The following SNX13 variants were observed in gnomAD, a reference collection of about 807,000 sequenced individuals.
The protein encoded by SNX13 is sorting nexin 13.
A neutral mutation model predicts 133.6 loss-of-function variants in SNX13; 45 were observed. The ratio of observed to expected loss-of-function variants is 0.34; its 90% CI spans 0.27 to 0.43. The LOEUF (loss-of-function observed/expected upper bound fraction) is 0.43, where lower values mean the gene tolerates loss of function less well. SNX13 is among the 20% of genes least tolerant of loss of function. The pLI is 1.00. For synonymous variants in SNX13, 414 were observed against 373.9 expected (o/e 1.11, Z -1.24); for missense variants, 1,032 against 1,145.1 (o/e 0.90, Z 1.43).
chr7:17,906,796 G>A (rs1264892123), intron 1 of SNX13, among the ~76,000 whole-genome samples: 2 of 152,072 alleles, frequency 1.3e-5, no homozygotes, highest in African/African-American at 4.8e-5. Flanking sequence ...ACCAACAGAA[G>A]AGCCAAAGGT....
At chr7:17,915,625 G>GTC (rs1226445534) in intron 1 of SNX13, among the ~76,000 whole-genome samples, 2 of 151,210 alleles carry the variant, frequency 1.3e-5, no homozygotes, top group African/African-American at 4.9e-5. Flanking sequence ...CTGTCTGTCT[G>GTC]TCTGTCTCTC....
chr7:17,866,462 CT>C lies in SNX13; in HGVS notation c.837+1944del, dbSNP rs1240635569. Among the ~76,000 whole-genome samples, 6 of 151,964 alleles carry C rather than the reference CT, an allele frequency of 3.9e-5. No individual in the cohort carries two copies. In the East Asian group the frequency reaches 1.2e-3, roughly 29 times the overall value. The stretch of plus-strand genomic sequence containing the variant: ...TACTATTTCACTCCAGTTAAAATGG[CT>C]TTTAACCAAAAGAAAGGCAATAACA... On this transcript the variant is annotated intron_variant, in intron 9 of 25. Coordinates refer to ENST00000428135, the MANE Select transcript of SNX13 (RefSeq NM_015132.5).
chr7:17,868,441 T>A lies in SNX13; in HGVS notation c.803A>T (p.Asp268Val). 2 of 1,610,430 alleles carry A rather than the reference T, an allele frequency of 1.2e-6. No individual in the cohort carries two copies. Among genetic ancestry groups the A allele is most frequent in the Non-Finnish European group, 1.7e-6 (2 of 1,178,250 alleles). ...ILLPLINQLS[D>V]PDYINQYVIW... ...GACATACTGATTAATATAATCAGGA[T>A]CACTGAGTTGATTTATTAATGGAAG... Residue 268 changes from aspartate to valine, a missense_variant, in exon 9 of 26, where the codon GAT becomes GTT. Physicochemically the swap from Asp to Val is radical, Grantham distance 152 (BLOSUM62 -3). Coordinates refer to ENST00000428135, the MANE Select transcript of SNX13 (RefSeq NM_015132.5).
chr7:17,937,019 AT>A (rs1802139223), intron 1 of SNX13, among the ~76,000 whole-genome samples: 1 of 148,388 alleles, frequency 6.7e-6, no homozygotes, highest in African/African-American at 2.4e-5. Flanking sequence ...ATAAAATAAA[AT>A]AAAAAAAAAA....
intron 12 of SNX13, among the ~76,000 whole-genome samples, chr7:17,841,995 C>G (rs1424435702): frequency 1.3e-5 from 2 of 151,882 alleles, no homozygotes; most frequent in African/African-American, 4.8e-5. Context: ...TAAACAGAGC[C>G]TAAGGGACCT....
chr7:17,897,372 T>C lies in SNX13; in HGVS notation c.87A>G (p.Ile29Met), dbSNP rs1040648112. Reference protein sequence around the residue: ...LFLITFGPFVIFYLTFYILCF... With the variant: ...LFLITFGPFVMFYLTFYILCF... ...AGAGGATATAAAATGTCAAATAAAA[T>C]ATTACAAAGGGTCCAAAGGTTATCA... Residue 29 changes from isoleucine (I) to methionine (M), a missense_variant, in exon 2 of 26, where the codon ATA (isoleucine) becomes ATG (methionine). By Grantham distance (10) the Ile-to-Met change is conservative (BLOSUM62 1). Transcript: ENST00000428135. 6.3e-7 allele frequency: 1 copy of C among 1,591,070 alleles called. No homozygotes were observed. Among genetic ancestry groups the C allele is most frequent in the Non-Finnish European group, 8.6e-7 (1 of 1,168,140 alleles).
At chr7:17,926,175 C>A (rs982350110) in intron 1 of SNX13, among the ~76,000 whole-genome samples, 1 of 152,176 alleles carries the variant, frequency 6.6e-6, no homozygotes, top group African/African-American at 2.4e-5. Context: ...AGAGAGAAAG[C>A]AAATATGACA....
At chr7:17,896,742 G>A (rs1524775) in intron 2 of SNX13, among the ~76,000 whole-genome samples, 96,050 of 151,862 alleles carry the variant, frequency 0.63, 32,534 homozygotes, top group African/African-American at 0.89. Flanking sequence ...CTTGTAATTC[G>A]TGTCTGATAC....
intron 4 of SNX13, among the ~76,000 whole-genome samples, chr7:17,890,708 T>TA (rs775202714): frequency 1.9e-4 from 28 of 146,798 alleles, no homozygotes; most frequent in Middle Eastern, 3.4e-3. Context: ...TGCCTAGATT[T>TA]AAAAAAAAAA....
At chr7:17,904,291 A>T (rs902890281) in intron 1 of SNX13, among the ~76,000 whole-genome samples, 1 of 152,170 alleles carries the variant, frequency 6.6e-6, no homozygotes, top group Non-Finnish European at 1.5e-5. Flanking sequence ...GATCCAGAAT[A>T]CCCATCAGCA....
At chr7:17,868,049 A>G (rs965850825) in intron 9 of SNX13, among the ~76,000 whole-genome samples, 1 of 152,186 alleles carries the variant, frequency 6.6e-6, no homozygotes, top group Non-Finnish European at 1.5e-5. Flanking sequence ...TATACAGTAT[A>G]AAATGTGAGT....
At position 17,916,836 on chromosome 7, in the gene SNX13, C is replaced by T. The variant is rs147643049; in HGVS notation, c.13-19390G>A. Among the ~76,000 whole-genome samples, 899 of 152,156 alleles carry T rather than the reference C, an allele frequency of 5.9e-3. 10 individuals carry two copies. The highest frequency in any genetic ancestry group is 0.026 in the Admixed American group (401 of 15,276). ...TACAAAACCAGAATCATCCTGATAC[C>T]AATTTCTGGCAAAGACACAGCAAAA... On this transcript the variant is annotated intron_variant, in intron 1 of 25. Coordinates refer to ENST00000428135, the MANE Select transcript of SNX13 (RefSeq NM_015132.5).
At chr7:17,871,162 T>G (rs536860191) in intron 8 of SNX13, among the ~76,000 whole-genome samples, 2 of 151,990 alleles carry the variant, frequency 1.3e-5, no homozygotes, top group Admixed American at 1.3e-4. Flanking sequence ...CCTGCCACCA[T>G]GCCCAGCTAA....
chr7:17,898,968 T>TTC (rs897319313), intron 1 of SNX13: 3 of 152,210 alleles, frequency 2.0e-5, no homozygotes, highest in African/African-American at 7.2e-5. Flanking sequence ...CCATGCTCTC[T>TTC]TCTCTCTGAA....
rs34649849 is a variant in SNX13, at chr7:17,814,952, G to GAAA, written c.1954-11_1954-9dup. On this transcript the variant is annotated splice_polypyrimidine_tract_variant and intron_variant, in intron 19 of 25. Transcript: ENST00000428135. ...TTCAGGAGCTAACAGTAACTAACAA[G>GAAA]AAAAAAAAAAAAAAGAAGAGATTAT... 0.039 allele frequency: 46,304 copies of GAAA among 1,202,646 alleles called. 55 individuals are homozygous for GAAA. The highest frequency in any genetic ancestry group is 0.063 in the South Asian group (2,786 of 44,258). The allele number at this position is 1,202,646 out of a possible 1,614,324, so 74.5% of individuals were successfully genotyped here.
At chr7:17,932,222 C>G (rs1801459422) in intron 1 of SNX13, among the ~76,000 whole-genome samples, 1 of 152,006 alleles carries the variant, frequency 6.6e-6, no homozygotes, top group Non-Finnish European at 1.5e-5. Context: ...AAACAAAATC[C>G]AAGTCCCTCT....
intron 16 of SNX13, among the ~76,000 whole-genome samples, chr7:17,826,547 G>A (rs1164581322): frequency 2.0e-5 from 3 of 151,852 alleles, no homozygotes; most frequent in African/African-American, 4.8e-5. Context: ...TATAAAATGA[G>A]AATACTACCT....
chr7:17,820,737 C>T (rs1353793940), intron 18 of SNX13, among the ~76,000 whole-genome samples: 1 of 152,058 alleles, frequency 6.6e-6, no homozygotes, highest in African/African-American at 2.4e-5. Context: ...TTAGCTCACC[C>T]AATCAGATGT....
intron 3 of SNX13, among the ~76,000 whole-genome samples, chr7:17,892,625 T>C (rs929011212): frequency 3.3e-5 from 5 of 152,122 alleles, no homozygotes; most frequent in Non-Finnish European, 7.4e-5. Flanking sequence ...AGTGAAATTC[T>C]TTTATTAATG....
Sources: gnomAD v4.1 joint callset for allele counts (sites outside exome capture counted in the v4.1 genomes callset) on GRCh38, gnomAD v4.1.1 for gene constraint, MANE v1.5 for transcripts, NCBI Gene and HGNC (gene_info 2026-07-23, HGNC 2026-07-21) for gene names.